SYT1: variants seen among roughly 807,000 people sequenced by gnomAD.
SYT1 encodes the protein synaptotagmin-1.
SYT1 carries 8 observed loss-of-function variants against 44.8 expected under a neutral mutation model. The observed-to-expected ratio is 0.18, with a 90% confidence interval of 0.10 to 0.32. The LOEUF (loss-of-function observed/expected upper bound fraction) is 0.32. SYT1 is among the 10% of genes least tolerant of loss of function. The pLI, the probability that SYT1 is intolerant of heterozygous loss-of-function variation, is 1.00. For missense variants in SYT1, 286 were observed against 509.3 expected (o/e 0.56, Z 4.22); for synonymous variants, 154 against 188.8 (o/e 0.82, Z 1.51).
intron 3 of SYT1, among the ~76,000 whole-genome samples, chr12:79,160,061 G>C (rs1870854411): frequency 6.6e-6 from 1 of 152,144 alleles, no homozygotes; most frequent in Non-Finnish European, 1.5e-5. Flanking sequence ...TGGCGGTTGT[G>C]ATTGAAGGGA....
At chr12:79,015,010 A>G (rs910657247) in intron 2 of SYT1, among the ~76,000 whole-genome samples, 155 of 152,010 alleles carry the variant, frequency 1.0e-3, no homozygotes, top group African/African-American at 3.6e-3. Context: ...GAATTGAACA[A>G]TGAGAACACA....
chr12:79,325,542 T>A (rs1881572298), intron 8 of SYT1, among the ~76,000 whole-genome samples: 1 of 152,250 alleles, frequency 6.6e-6, no homozygotes. Context: ...ATGCCAGCTT[T>A]GAGTAATTCA....
rs201343028 is a variant in SYT1, at chr12:79,077,219, AC to A, written c.-18+29858del. On this transcript the variant is annotated intron_variant, in intron 3 of 10. Transcript: ENST00000261205. ...GAATGAGAAGCTATTTATTCCTACA[AC>A]ATTGCTATATTCCTTCCAGAAATGG... Among the ~76,000 whole-genome samples, 1,468 of 152,210 alleles carry A rather than the reference AC, an allele frequency of 9.6e-3. 11 individuals are homozygous for A. The highest frequency in any genetic ancestry group is 0.014 in the Non-Finnish European group (926 of 68,012).
At chr12:79,140,956 C>T (rs1869520459) in intron 3 of SYT1, among the ~76,000 whole-genome samples, 1 of 152,176 alleles carries the variant, frequency 6.6e-6, no homozygotes, top group African/African-American at 2.4e-5. Context: ...AACTGGCAGT[C>T]AAAGCCATAC....
chr12:79,291,256 C>G (rs1879566132), intron 5 of SYT1, among the ~76,000 whole-genome samples: 1 of 152,118 alleles, frequency 6.6e-6, no homozygotes, highest in African/African-American at 2.4e-5. Flanking sequence ...TTCTTAAATA[C>G]AAAACGAATT....
chr12:79,407,081 T>C (rs1026294541), intron 9 of SYT1, among the ~76,000 whole-genome samples: 1 of 152,130 alleles, frequency 6.6e-6, no homozygotes, highest in Admixed American at 6.6e-5. Context: ...TGGCAAGTAT[T>C]AAGATGGCAT....
intron 3 of SYT1, among the ~76,000 whole-genome samples, chr12:79,106,189 A>G (rs1054681792): frequency 6.6e-6 from 1 of 152,204 alleles, no homozygotes; most frequent in Non-Finnish European, 1.5e-5. Context: ...GTAGGCTAAC[A>G]TTCAGATTTT....
intron 4 of SYT1, among the ~76,000 whole-genome samples, chr12:79,266,094 T>G (rs778324408): frequency 2.2e-4 from 34 of 152,162 alleles, no homozygotes; most frequent in Non-Finnish European, 4.4e-4. Flanking sequence ...AAACAATATT[T>G]GAAGAAAGCT....
intron 1 of SYT1, among the ~76,000 whole-genome samples, chr12:78,906,237 C>A (rs77618454): frequency 1.7e-4 from 26 of 151,800 alleles, no homozygotes; most frequent in Non-Finnish European, 2.9e-5. Context: ...ATATTAAGTT[C>A]TGGTGATTGA....
chr12:78,896,289 A>G (rs565775428), intron 1 of SYT1, among the ~76,000 whole-genome samples: 1 of 151,756 alleles, frequency 6.6e-6, no homozygotes, highest in Non-Finnish European at 1.5e-5. Context: ...CCCTTACAGG[A>G]ATCACAAGAA....
intron 4 of SYT1, among the ~76,000 whole-genome samples, chr12:79,218,702 T>C (rs1565860712): frequency 6.6e-6 from 1 of 152,200 alleles, no homozygotes; most frequent in Non-Finnish European, 1.5e-5. Context: ...AATACCACGA[T>C]TTCATTTTTT....
intron 1 of SYT1, among the ~76,000 whole-genome samples, chr12:78,890,430 C>T (rs1399487248): frequency 6.6e-6 from 1 of 151,780 alleles, no homozygotes; most frequent in Non-Finnish European, 1.5e-5. Context: ...AGTAGATATA[C>T]CTAATGTAAA....
intron 1 of SYT1, among the ~76,000 whole-genome samples, chr12:78,955,800 TTGTGTGTGTGTGTGTG>T (rs60111282): frequency 5.0e-5 from 7 of 138,628 alleles, no homozygotes; most frequent in Admixed American, 3.6e-4. Context: ...GCCAAGATAT[TTGTGTGTGTGTGTGTG>T]TGTGTGTGTG....
chr12:79,143,369 G>A (rs1869682117), intron 3 of SYT1, among the ~76,000 whole-genome samples: 1 of 152,104 alleles, frequency 6.6e-6, no homozygotes, highest in Non-Finnish European at 1.5e-5. Flanking sequence ...TTGCTCACTG[G>A]TAACTTTCAC....
chr12:79,004,191 T>C (rs919198920), intron 2 of SYT1, among the ~76,000 whole-genome samples: 13 of 152,000 alleles, frequency 8.6e-5, no homozygotes, highest in Admixed American at 6.6e-5. Flanking sequence ...ACCAGTTGTC[T>C]AAAATTCTTA....
chr12:79,126,214 T>C (rs558799035), intron 3 of SYT1, among the ~76,000 whole-genome samples: 2 of 152,218 alleles, frequency 1.3e-5, no homozygotes, highest in Admixed American at 6.5e-5. Flanking sequence ...ATGTAACCCA[T>C]ATATATGGCC....
At chr12:79,426,539 A>G (rs966402791) in intron 9 of SYT1, among the ~76,000 whole-genome samples, 1 of 152,190 alleles carries the variant, frequency 6.6e-6, no homozygotes, top group Non-Finnish European at 1.5e-5. Context: ...AAGAAAATTC[A>G]TGTCCTTAAC....
chr12:79,296,522 G>A (rs542464589), intron 7 of SYT1, among the ~76,000 whole-genome samples: 2 of 152,206 alleles, frequency 1.3e-5, no homozygotes, highest in African/African-American at 4.8e-5. Flanking sequence ...CTGAAATAAA[G>A]CCAAAGGAAT....
chr12:78,869,793 AG>A (rs1405331145), intron 1 of SYT1, among the ~76,000 whole-genome samples: 1 of 152,032 alleles, frequency 6.6e-6, no homozygotes, highest in African/African-American at 2.4e-5. Flanking sequence ...TTAAGCCTTA[AG>A]TTCTGATTGC....
Sources: allele counts gnomAD v4.1 joint callset (sites outside exome capture counted in the v4.1 genomes callset), GRCh38; gene constraint gnomAD v4.1.1; transcripts MANE v1.5; gene names NCBI Gene and HGNC (gene_info 2026-07-23, HGNC 2026-07-21).